The following SLC25A21 variants were observed in gnomAD, a reference collection of about 807,000 sequenced individuals.
SLC25A21 encodes mitochondrial 2-oxodicarboxylate carrier.
In SLC25A21, 47 loss-of-function variants were observed where a neutral mutation model predicts 43.8. That is an observed-to-expected ratio of 1.07 (90% CI 0.85 to 1.37). The LOEUF (loss-of-function observed/expected upper bound fraction) is 1.37. Among genes scored for constraint, SLC25A21 ranks in the 40% most tolerant of loss-of-function variants. The probability of loss-of-function intolerance (pLI) is 0.00; values close to 1 mark genes in which losing one functional copy is unlikely to be tolerated. For synonymous variants in SLC25A21, 131 were observed against 121.3 expected (o/e 1.08, Z -0.52); for missense variants, 352 against 350.2 (o/e 1.00, Z -0.04).
chr14:37,055,555 G>C, intron 1 of SLC25A21, among the ~76,000 whole-genome samples: 1 of 152,138 alleles, frequency 6.6e-6, no homozygotes, highest in East Asian at 1.9e-4. Flanking sequence ...TGGGCCTCTT[G>C]AAACATTCTT....
chr14:37,074,232 T>C (rs1373564005), intron 1 of SLC25A21, among the ~76,000 whole-genome samples: 2 of 152,100 alleles, frequency 1.3e-5, no homozygotes, highest in African/African-American at 4.8e-5. Flanking sequence ...CCTCTGTTTT[T>C]ATACAATAGT....
At chr14:36,996,696 G>GA (rs892570081) in intron 1 of SLC25A21, among the ~76,000 whole-genome samples, 7 of 151,248 alleles carry the variant, frequency 4.6e-5, no homozygotes, top group African/African-American at 1.2e-4. Context: ...AATAAATGGA[G>GA]AAAAAAAAAG....
At position 36,876,614 on chromosome 14, in the gene SLC25A21, A is replaced by C. The variant is rs190532179; in HGVS notation, c.71-1610T>G. On this transcript the variant is annotated intron_variant, in intron 1 of 9. Transcript: ENST00000331299. ...TTGCTAACTGTTAAGGTCTCCATAT[A>C]CTTCTCCTTGCTTGAGAATTCACAT... 2.0e-5 allele frequency among the ~76,000 whole-genome samples: 3 copies of C among 152,144 alleles called. No homozygotes were observed. In the East Asian group the frequency reaches 5.8e-4, roughly 30 times the overall value.
chr14:36,919,143 A>G (rs1275445009), intron 1 of SLC25A21, among the ~76,000 whole-genome samples: 1 of 151,758 alleles, frequency 6.6e-6, no homozygotes, highest in Admixed American at 6.6e-5. Context: ...CAAATACTAC[A>G]CTCCTCTCTA....
intron 1 of SLC25A21, among the ~76,000 whole-genome samples, chr14:37,130,793 C>A (rs1208452995): frequency 2.6e-5 from 4 of 152,152 alleles, no homozygotes; most frequent in Non-Finnish European, 5.9e-5. Flanking sequence ...CATTCCCTTG[C>A]TTGATTAGAT....
At chr14:36,710,695 G>T (rs1883819330) in intron 7 of SLC25A21, among the ~76,000 whole-genome samples, 1 of 152,140 alleles carries the variant, frequency 6.6e-6, no homozygotes, top group Admixed American at 6.5e-5. Context: ...CTCTCAAAGT[G>T]CTGGGGTTAC....
chr14:37,155,113 C>G (rs1963826128), intron 1 of SLC25A21, among the ~76,000 whole-genome samples: 1 of 151,566 alleles, frequency 6.6e-6, no homozygotes, highest in South Asian at 2.1e-4. Flanking sequence ...CTCTGTTGCC[C>G]AGGCTGGAGT....
chr14:37,086,974 T>C (rs1962497977), intron 1 of SLC25A21, among the ~76,000 whole-genome samples: 1 of 152,202 alleles, frequency 6.6e-6, no homozygotes, highest in African/African-American at 2.4e-5. Flanking sequence ...AGAAATGACT[T>C]TGTGAGGGTA....
intron 3 of SLC25A21, among the ~76,000 whole-genome samples, chr14:36,783,616 T>A (rs1000902316): frequency 6.6e-6 from 1 of 151,994 alleles, no homozygotes; most frequent in African/African-American, 2.4e-5. Flanking sequence ...ACCAACAGGG[T>A]CTCTTTTGGC....
intron 1 of SLC25A21, among the ~76,000 whole-genome samples, chr14:37,132,131 G>C (rs1416194733): frequency 2.0e-5 from 3 of 152,188 alleles, no homozygotes; most frequent in Non-Finnish European, 2.9e-5. Context: ...GAGAATGCAA[G>C]AGCAAAAGGG....
At chr14:36,905,405 C>A (rs1184798161) in intron 1 of SLC25A21, among the ~76,000 whole-genome samples, 1 of 152,182 alleles carries the variant, frequency 6.6e-6, no homozygotes, top group Non-Finnish European at 1.5e-5. Context: ...ACTGTGTAAG[C>A]TAGATTCTGT....
chr14:37,029,931 A>T, intron 1 of SLC25A21, among the ~76,000 whole-genome samples: 1 of 151,570 alleles, frequency 6.6e-6, no homozygotes, highest in East Asian at 1.9e-4. Context: ...TATCTGGCTA[A>T]TTTTTTTATT....
chr14:36,825,204 C>T (rs1021357120), intron 2 of SLC25A21, among the ~76,000 whole-genome samples: 2 of 152,274 alleles, frequency 1.3e-5, no homozygotes, highest in South Asian at 2.1e-4. Flanking sequence ...TGAGGAATAT[C>T]GTCAAGGCCA....
chr14:36,901,341 A>G (rs2138597947), intron 1 of SLC25A21, among the ~76,000 whole-genome samples: 1 of 152,318 alleles, frequency 6.6e-6, no homozygotes, highest in South Asian at 2.1e-4. Flanking sequence ...TCCAAATAGT[A>G]GCACAAGTAG....
chr14:37,007,959 T>A (rs903993557), intron 1 of SLC25A21, among the ~76,000 whole-genome samples: 1 of 152,002 alleles, frequency 6.6e-6, no homozygotes, highest in African/African-American at 2.4e-5. Flanking sequence ...GCACAATTTT[T>A]TTTTTTTCAG....
intron 1 of SLC25A21, among the ~76,000 whole-genome samples, chr14:36,994,989 C>A (rs2138717453): frequency 6.6e-6 from 1 of 152,262 alleles, no homozygotes; most frequent in South Asian, 2.1e-4. Context: ...GTTAAATAAG[C>A]AAATGACTGA....
At chr14:36,696,905 C>T (rs1390783686) in intron 7 of SLC25A21, among the ~76,000 whole-genome samples, 1 of 152,046 alleles carries the variant, frequency 6.6e-6, no homozygotes, top group Non-Finnish European at 1.5e-5. Flanking sequence ...GTATCTCTAT[C>T]TCCTTCAGTT....
chr14:37,122,871 C>CA (rs1265330127), intron 1 of SLC25A21, among the ~76,000 whole-genome samples: 2 of 152,050 alleles, frequency 1.3e-5, no homozygotes, highest in African/African-American at 2.4e-5. Context: ...AGAAATCAAC[C>CA]AAAAAATCCT....
Position 36,678,978 on chromosome 14 carries a change from A to G in SLC25A21, c.*1680T>C. 2 of 981,848 alleles carry G rather than the reference A, an allele frequency of 2.0e-6. No individual in the cohort carries two copies. Among genetic ancestry groups the G allele is most frequent in the Non-Finnish European group, 2.4e-6 (2 of 827,746 alleles). The allele number at this position is 981,848 out of a possible 1,614,324, so 60.8% of individuals were successfully genotyped here. Reference sequence around the variant, plus strand: ...GATTATTATTGGTTAATGTTGACATATTTCCTCTATCTCATAGATGGTAAA... The same window carrying G: ...GATTATTATTGGTTAATGTTGACATGTTTCCTCTATCTCATAGATGGTAAA... On this transcript the variant is annotated 3_prime_UTR_variant, in exon 10 of 10. Coordinates refer to ENST00000331299, the MANE Select transcript of SLC25A21 (RefSeq NM_030631.4).
Sources: gnomAD v4.1 joint callset for allele counts (sites outside exome capture counted in the v4.1 genomes callset) on GRCh38, gnomAD v4.1.1 for gene constraint, MANE v1.5 for transcripts, NCBI Gene and HGNC (gene_info 2026-07-23, HGNC 2026-07-21) for gene names.